The following SYNE1 variants were observed in gnomAD, a reference collection of about 807,000 sequenced individuals.
SYNE1 encodes spectrin repeat containing nuclear envelope protein 1, also known as nesprin-1.
Under a neutral mutation model 1,111.0 loss-of-function variants are expected in SYNE1, and 616 were observed. The observed-to-expected ratio is 0.55, with a 90% CI of 0.52 to 0.59. SYNE1 has a LOEUF of 0.59. SYNE1 is among the 20% of genes least tolerant of loss of function. The probability of loss-of-function intolerance (pLI) is 0.00; values close to 1 mark genes in which losing one functional copy is unlikely to be tolerated. For synonymous variants in SYNE1, 3,855 were observed against 3,825.8 expected (o/e 1.01, Z -0.28); for missense variants, 10,006 against 10,417.0 (o/e 0.96, Z 1.72).
chr6:152,142,674 T>C (rs190589478), intron 138 of SYNE1, among the ~76,000 whole-genome samples: 45 of 152,322 alleles, frequency 3.0e-4, no homozygotes, highest in African/African-American at 1.0e-3. Flanking sequence ...GTCAGTATGA[T>C]TACCATAAAA....
intron 130 of SYNE1, chr6:152,167,845 C>A (rs182900578): frequency 1.5e-6 from 1 of 649,804 alleles, no homozygotes; most frequent in East Asian, 3.5e-5. Context: ...CCTTGTATGA[C>A]GCATACGGTC....
At chr6:152,139,303 GCT>G (rs771709193) in intron 140 of SYNE1, among the ~76,000 whole-genome samples, 1 of 152,110 alleles carries the variant, frequency 6.6e-6, no homozygotes, top group African/African-American at 2.4e-5. Flanking sequence ...GGGCACGGTG[GCT>G]CATGCCTGTA....
At position 152,236,240 on chromosome 6, in the gene SYNE1, G is replaced by A. The variant is rs780451185; in HGVS notation, c.20263C>T (p.Arg6755Ter). 6.8e-6 allele frequency: 11 copies of A among 1,613,888 alleles called. No individual in the cohort carries two copies. The highest frequency in any genetic ancestry group is 1.7e-5 in the Admixed American group (1 of 59,988). The stretch of plus-strand genomic sequence containing the variant: ...GAGCAGCTGATGGATATCAGAAGTC[G>A]TTTCCCATCATCTAATACTTGATAT... ...KLYQVLDDGK[R>*]LLISISCSDL... is the part of the protein sequence containing the mutation. The change falls in exon 110 of 146, where the codon CGA (arginine) becomes TGA (stop). Residue 6755 changes from arginine to a stop codon, truncating the protein, a stop_gained. Coordinates refer to ENST00000367255, the MANE Select transcript of SYNE1 (RefSeq NM_182961.4). LOFTEE classifies it high-confidence loss of function.
chr6:152,568,289 CTTTTTTTTTTTTTTTTT>C (rs10601350), intron 3 of SYNE1, among the ~76,000 whole-genome samples: 2 of 80,310 alleles, frequency 2.5e-5, no homozygotes, highest in Non-Finnish European at 4.4e-5. Context: ...TTATTTTATT[CTTTTTTTTTTTTTTTTT>C]TTTTTTTTGA....
chr6:152,183,843 T>A (rs997127674), intron 128 of SYNE1, among the ~76,000 whole-genome samples: 3 of 152,146 alleles, frequency 2.0e-5, no homozygotes, highest in Non-Finnish European at 4.4e-5. Context: ...TTGTTTAGAA[T>A]CAGTACAAGA....
At chr6:152,504,820 T>C (rs966219724) in intron 9 of SYNE1, among the ~76,000 whole-genome samples, 1 of 152,210 alleles carries the variant, frequency 6.6e-6, no homozygotes, top group Admixed American at 6.5e-5. Context: ...ACTGCATGGT[T>C]AACAACATTT....
At chr6:152,208,502 G>A (rs2076936363) in intron 124 of SYNE1, among the ~76,000 whole-genome samples, 1 of 152,138 alleles carries the variant, frequency 6.6e-6, no homozygotes, top group African/African-American at 2.4e-5. Context: ...TGAGAGGGGA[G>A]GAGTGGACAG....
chr6:152,254,829 T>A, intron 104 of SYNE1, 51 bp downstream of exon 104: 1 of 1,522,250 alleles, frequency 6.6e-7, no homozygotes, highest in Non-Finnish European at 9.0e-7. Context: ...GACTGACTAT[T>A]ACTGAATACC....
chr6:152,402,679 C>T (rs116034223), intron 46 of SYNE1: 208 of 152,236 alleles, frequency 1.4e-3, no homozygotes, highest in African/African-American at 4.8e-3. Flanking sequence ...TAAGGTAAGC[C>T]ACCCCCTCAC....
At chr6:152,427,206 A>AT (rs2098372407) in intron 38 of SYNE1, among the ~76,000 whole-genome samples, 2 of 152,014 alleles carry the variant, frequency 1.3e-5, no homozygotes, top group African/African-American at 2.4e-5. Flanking sequence ...GTGCTCATTC[A>AT]TTTTTTTCTG....
chr6:152,569,879 G>T (rs1236301521), intron 3 of SYNE1, among the ~76,000 whole-genome samples: 1 of 152,124 alleles, frequency 6.6e-6, no homozygotes, highest in East Asian at 1.9e-4. Context: ...GTAGAAACAA[G>T]TCTTGAGGCC....
rs915090049 is a variant in SYNE1 at position 152,447,524 on chromosome 6, T to C, written c.3603A>G (p.Gln1201=). The change falls in exon 29 of 146, where the codon CAA becomes CAG. Residue 1201 remains glutamine (Q), a synonymous_variant. Coordinates refer to ENST00000367255, the MANE Select transcript of SYNE1 (RefSeq NM_182961.4). ...LTEVSSENEA[Q]KQGDELAKLS... The stretch of plus-strand genomic sequence containing the variant: ...ATTTTGCCAGCTCATCTCCCTGCTT[T>C]TGGGCTTCATTCTCAGAAGAAACTT... 11 of 1,614,120 alleles carry C rather than the reference T, an allele frequency of 6.8e-6. No homozygotes were observed. The African/African-American group carries it at 1.5e-4, about 22-fold the overall frequency.
At chr6:152,563,842 T>C (rs1431278404) in intron 3 of SYNE1, among the ~76,000 whole-genome samples, 2 of 152,232 alleles carry the variant, frequency 1.3e-5, no homozygotes, top group Non-Finnish European at 2.9e-5. Flanking sequence ...TTGAACTTTC[T>C]GGAATTTTTC....
intron 133 of SYNE1, among the ~76,000 whole-genome samples, chr6:152,152,366 G>T (rs553655925): frequency 6.6e-6 from 1 of 152,166 alleles, no homozygotes; most frequent in East Asian, 1.9e-4. Flanking sequence ...AAAATGGGGA[G>T]TAGTAATGAA....
Position 152,310,682 on chromosome 6 carries a change from T to G in SYNE1, c.16896+6A>C. The G allele has an allele frequency of 6.2e-7, 1 of 1,613,102 alleles. No individual in the cohort carries two copies. Among genetic ancestry groups the G allele is most frequent in the South Asian group, 1.1e-5 (1 of 90,832 alleles). Reference sequence around the variant, plus strand: ...TTTTCTGTTTCTTTTTTTTTTCTTTTTTTACCTTAGCTGCATCTTGGAGGT... The same window carrying G: ...TTTTCTGTTTCTTTTTTTTTTCTTTGTTTACCTTAGCTGCATCTTGGAGGT... On this transcript the variant is annotated splice_donor_region_variant and intron_variant, in intron 88 of 145. Transcript: ENST00000367255.
In SYNE1 at chr6:152,353,463, G is replaced by T. The variant is rs372319548; in HGVS notation, c.11083-30C>A. 5.6e-6 allele frequency: 9 copies of T among 1,613,840 alleles called. No individual in the cohort carries two copies. In the African/African-American group the frequency reaches 1.2e-4, roughly 22 times the overall value. On this transcript the variant is annotated intron_variant, in intron 68 of 145. Transcript: ENST00000367255. ...GAAAGAAAAGAGAAAATTGAATGGT[G>T]AAGTAAAGGCCTGTGCCAGGGCCTT... is the stretch of plus-strand genomic sequence containing the variant.
intron 144 of SYNE1, 72 bp from the exon 145 acceptor site, chr6:152,130,850 A>C (rs1031222034): frequency 8.7e-6 from 13 of 1,493,070 alleles, no homozygotes; most frequent in Non-Finnish European, 1.0e-5. Flanking sequence ...GCTACTAATG[A>C]AAATTAAACT....
intron 144 of SYNE1, 148 bp from the exon 145 acceptor site, chr6:152,130,926 CT>C: frequency 2.6e-6 from 2 of 757,848 alleles, no homozygotes; most frequent in Non-Finnish European, 4.3e-6. Context: ...AGGAAACTGG[CT>C]TTTCTTTTGT....
intron 3 of SYNE1, among the ~76,000 whole-genome samples, chr6:152,616,676 T>C (rs758520503): frequency 6.6e-6 from 1 of 152,206 alleles, no homozygotes; most frequent in Non-Finnish European, 1.5e-5. Context: ...TGATTCCAGA[T>C]ACAATTTGAA....
Sources: allele counts gnomAD v4.1 joint callset (sites outside exome capture counted in the v4.1 genomes callset), GRCh38; gene constraint gnomAD v4.1.1; transcripts MANE v1.5; gene names NCBI Gene and HGNC (gene_info 2026-07-23, HGNC 2026-07-21).